The following SPANXN4 variants were observed in gnomAD, a reference collection of about 807,000 sequenced individuals.
SPANXN4 encodes the protein SPANX family member N4.
In SPANXN4, 5 loss-of-function variants were observed where a neutral mutation model predicts 6.0. That is an observed-to-expected ratio of 0.83 (90% CI 0.44 to 1.75). The LOEUF (loss-of-function observed/expected upper bound fraction) is 1.75. Among genes scored for constraint, SPANXN4 ranks in the 40% most tolerant of loss-of-function variants. The pLI is 0.02. For synonymous variants in SPANXN4, 45 were observed against 38.0 expected, an observed-to-expected ratio of 1.19 and a Z score of -0.68; for missense variants, 157 against 108.6, an observed-to-expected ratio of 1.45 and a Z score of -1.98.
chrX:143,035,491 A>G (rs1932839165), downstream of SPANXN4, among the ~76,000 whole-genome samples: 2 of 110,318 alleles, frequency 1.8e-5, no homozygotes, highest in Admixed American at 1.9e-4. Flanking sequence ...TAAGAAAGAT[A>G]TTTGGATTTT....
In SPANXN4 at chrX:143,033,915, A is replaced by C. The variant is rs368075531; in HGVS notation, c.79-113A>C. On this transcript the variant is annotated intron_variant, in intron 1 of 2. Coordinates refer to ENST00000370504, the Ensembl canonical transcript of SPANXN4. Reference sequence around the variant, plus strand: ...TTCCACCTTGCTCTTCTCTGGCACAAGCCCCTTCCTCAACCTGCATTCCTT... The same window carrying C: ...TTCCACCTTGCTCTTCTCTGGCACACGCCCCTTCCTCAACCTGCATTCCTT... The C allele has an allele frequency of 4.7e-4, 331 of 701,825 alleles. 1 individual carries two copies. The highest frequency in any genetic ancestry group is 6.9e-4 in the Middle Eastern group (2 of 2,893). 57.8% of individuals were successfully genotyped at this position (701,825 alleles called of 1,213,427 possible).
chrX:143,029,469 T>G (rs2124364353), intron 1 of SPANXN4, among the ~76,000 whole-genome samples: 1 of 111,329 alleles, frequency 9.0e-6, no homozygotes, highest in African/African-American at 3.3e-5. Context: ...TCAGTTTTGG[T>G]AATGGTGACG....
rs748629327 is a variant in SPANXN4 at position 143,034,233 on chromosome X, G to A, written c.283+1G>A. The stretch of plus-strand genomic sequence containing the variant: ...ATATCTGCAGGATCTCCACAGGATG[G>A]TGGGCAGAATTAGTCCAAATTGGAC... On this transcript the variant is annotated splice_donor_variant, in intron 2 of 2. Coordinates refer to ENST00000370504, the Ensembl canonical transcript of SPANXN4. LOFTEE classifies it high-confidence loss of function. 1.7e-6 allele frequency: 2 copies of A among 1,169,437 alleles called. No individual in the cohort carries two copies. The highest frequency in any genetic ancestry group is 1.1e-6 in the Non-Finnish European group (1 of 874,355).
chrX:143,027,806 G>T (rs1163936305), intron 1 of SPANXN4, among the ~76,000 whole-genome samples: 2 of 109,775 alleles, frequency 1.8e-5, no homozygotes, highest in Non-Finnish European at 3.8e-5. Flanking sequence ...TTAGAGGTTG[G>T]GGGTGGGGAC....
downstream of SPANXN4, chrX:143,034,800 G>T: frequency 1.0e-6 from 1 of 997,035 alleles, no homozygotes; most frequent in Non-Finnish European, 1.3e-6. Context: ...ATACTAGGGC[G>T]CTTGTTAAGA....
At chrX:143,028,231 C>T (rs1044031533) in intron 1 of SPANXN4, among the ~76,000 whole-genome samples, 5 of 110,449 alleles carry the variant, frequency 4.5e-5, no homozygotes, top group African/African-American at 6.6e-5. Flanking sequence ...GCTGAGGACC[C>T]GTCCACTTAG....
chrX:143,030,488 G>C (rs778718348), intron 1 of SPANXN4, among the ~76,000 whole-genome samples: 11 of 110,167 alleles, frequency 1.0e-4, no homozygotes, highest in Non-Finnish European at 2.1e-4. Context: ...CTAGGTCCTC[G>C]ATGAGGGCCT....
At chrX:143,032,432 A>G (rs759520623) in intron 1 of SPANXN4, among the ~76,000 whole-genome samples, 1 of 110,211 alleles carries the variant, frequency 9.1e-6, no homozygotes, top group Non-Finnish European at 1.9e-5. Flanking sequence ...TGGAGGAGCC[A>G]GAGCCAAAGG....
At chrX:143,035,548 C>T (rs189228348), downstream of SPANXN4, among the ~76,000 whole-genome samples, 1 of 109,866 alleles carries the variant, frequency 9.1e-6, no homozygotes, top group African/African-American at 3.3e-5. Context: ...TAATTTATAC[C>T]TTAGGATTAC....
downstream of SPANXN4, among the ~76,000 whole-genome samples, chrX:143,037,333 T>G (rs764727739): frequency 1.6e-3 from 179 of 111,971 alleles, no homozygotes; most frequent in Non-Finnish European, 2.7e-3. Flanking sequence ...TTAGAGCATA[T>G]GCTTTCTCTA....
chrX:143,031,553 A>C (rs372873097), intron 1 of SPANXN4, among the ~76,000 whole-genome samples: 2 of 111,804 alleles, frequency 1.8e-5, no homozygotes, highest in African/African-American at 6.5e-5. Flanking sequence ...TCCTGGGATT[A>C]GGGCAGGCTT....
chrX:143,030,008 G>A (rs1932800315), intron 1 of SPANXN4, among the ~76,000 whole-genome samples: 1 of 110,857 alleles, frequency 9.0e-6, no homozygotes, highest in African/African-American at 3.3e-5. Flanking sequence ...GGGCTTAGTG[G>A]GGTTAGGCAG....
intron 1 of SPANXN4, 74 bp from the exon 2 acceptor site, chrX:143,033,951 C>A: frequency 1.1e-6 from 1 of 944,550 alleles, no homozygotes; most frequent in Middle Eastern, 2.8e-4. Flanking sequence ...CTTATAAAGC[C>A]CCCCTTGCTA....
chrX:143,032,000 G>A lies in SPANXN4; in HGVS notation c.79-2028G>A, dbSNP rs73560196. On this transcript the variant is annotated intron_variant, in intron 1 of 2. Transcript: ENST00000370504. ...TGCCTGATAATTCCAATTGGTGTAA[G>A]TCCTGGGGACAGCTAGGGTCCCTAT... Among the ~76,000 whole-genome samples, 3 of 111,816 alleles carry A rather than the reference G, an allele frequency of 2.7e-5. No individual in the cohort carries two copies. In the East Asian group the frequency reaches 8.5e-4, roughly 32 times the overall value.
At chrX:143,035,535 G>A (rs1272787075), downstream of SPANXN4, among the ~76,000 whole-genome samples, 2 of 110,065 alleles carry the variant, frequency 1.8e-5, no homozygotes, top group Non-Finnish European at 3.8e-5. Flanking sequence ...TCCATGTTTT[G>A]TTTAATTTAT....
chrX:143,027,831 A>T (rs1259080272), intron 1 of SPANXN4, among the ~76,000 whole-genome samples: 2 of 110,877 alleles, frequency 1.8e-5, no homozygotes, highest in African/African-American at 6.6e-5. Flanking sequence ...AATATTCCAC[A>T]GACAAAAAGG....
intron 1 of SPANXN4, among the ~76,000 whole-genome samples, chrX:143,026,402 GA>G (rs2087553652): frequency 9.0e-6 from 1 of 111,597 alleles, no homozygotes; most frequent in African/African-American, 3.3e-5. Context: ...ATATGATAGG[GA>G]TGTTTTTTTA....
At chrX:143,030,286 G>T (rs1932802523) in intron 1 of SPANXN4, among the ~76,000 whole-genome samples, 1 of 111,312 alleles carries the variant, frequency 9.0e-6, no homozygotes, top group Non-Finnish European at 1.9e-5. Flanking sequence ...GAATTAGGGG[G>T]TAGGAGAAAC....
intron 1 of SPANXN4, among the ~76,000 whole-genome samples, chrX:143,032,733 T>C (rs989939440): frequency 1.8e-5 from 2 of 111,401 alleles, no homozygotes; most frequent in Admixed American, 9.5e-5. Context: ...TGCATACCCC[T>C]GAAGGGAATG....
Sources: gnomAD v4.1 joint callset for allele counts (sites outside exome capture counted in the v4.1 genomes callset) on GRCh38, gnomAD v4.1.1 for gene constraint, MANE v1.5 for transcripts, NCBI Gene and HGNC (gene_info 2026-07-23, HGNC 2026-07-21) for gene names.